Variants in MAGI3 observed in about 807,000 individuals in gnomAD.
MAGI3 encodes membrane-associated guanylate kinase, WW and PDZ domain-containing protein 3.
Under a neutral mutation model 121.8 loss-of-function variants are expected in MAGI3, and 43 were observed. The observed-to-expected ratio is 0.35, with a 90% CI of 0.28 to 0.46. MAGI3 has a LOEUF of 0.46. MAGI3 is among the 20% of genes least tolerant of loss of function. The pLI is 1.00. For synonymous variants in MAGI3, 553 were observed against 639.3 expected (o/e 0.86, Z 2.04); for missense variants, 1,547 against 1,797.3 (o/e 0.86, Z 2.52).
intron 1 of MAGI3, among the ~76,000 whole-genome samples, chr1:113,533,314 T>C (rs188150245): frequency 6.6e-6 from 1 of 152,332 alleles, no homozygotes; most frequent in East Asian, 1.9e-4. Context: ...GGCCATTACA[T>C]TAAATCAATT....
At chr1:113,441,905 T>G (rs893894778) in intron 1 of MAGI3, among the ~76,000 whole-genome samples, 6 of 152,358 alleles carry the variant, frequency 3.9e-5, no homozygotes, top group Admixed American at 6.5e-5. Flanking sequence ...AGGTCTTTAC[T>G]CAGAGAGCTT....
chr1:113,422,628 G>T lies in MAGI3; in HGVS notation c.316+31279G>T, dbSNP rs1652783209. 6.6e-6 allele frequency among the ~76,000 whole-genome samples: 1 copy of T among 152,224 alleles called. No homozygotes were observed. The highest frequency in any genetic ancestry group is 1.5e-5 in the Non-Finnish European group (1 of 68,036). On this transcript the variant is annotated intron_variant, in intron 1 of 20. Coordinates refer to ENST00000307546, the MANE Select transcript of MAGI3 (RefSeq NM_001142782.2). The surrounding 1 kb of genome is among the most constrained non-coding windows in gnomAD (Gnocchi z 4.3). ...GCACAGGCGCCTGCTCCGTGCAAGG[G>T]TGCATCTATACCAGACATACCGCAA...
chr1:113,535,813 C>T (rs576268152), intron 1 of MAGI3, among the ~76,000 whole-genome samples: 2 of 152,232 alleles, frequency 1.3e-5, no homozygotes, highest in South Asian at 2.1e-4. Flanking sequence ...CTGAATTCCA[C>T]ATAGTTATAT....
At chr1:113,530,207 C>T (rs1274563848) in intron 1 of MAGI3, among the ~76,000 whole-genome samples, 1 of 151,268 alleles carries the variant, frequency 6.6e-6, no homozygotes, top group African/African-American at 2.4e-5. Context: ...ATGTACTGTT[C>T]TTTAAATAAC....
chr1:113,593,415 C>T (rs1217232), intron 5 of MAGI3, among the ~76,000 whole-genome samples: 111,877 of 151,914 alleles, frequency 0.74, 41,723 homozygotes, highest in African/African-American at 0.78. Context: ...TGGTGGCACA[C>T]GCCTGTAGTC....
At chr1:113,546,396 G>T (rs148307492) in intron 1 of MAGI3, among the ~76,000 whole-genome samples, 2 of 152,080 alleles carry the variant, frequency 1.3e-5, no homozygotes, top group East Asian at 1.9e-4. Flanking sequence ...AAGTGCAGCC[G>T]CACGATCTTG....
intron 6 of MAGI3, among the ~76,000 whole-genome samples, chr1:113,611,936 C>CTTATATATTTATTTAT (rs1650168729): frequency 7.2e-6 from 1 of 138,768 alleles, no homozygotes; most frequent in Non-Finnish European, 1.6e-5. Flanking sequence ...CTAATCCCAA[C>CTTATATATTTATTTAT]TTATTTATTT....
Position 113,658,590 on chromosome 1 carries a change from T to A in MAGI3, c.2630-490T>A, listed in dbSNP as rs1408096647. Among the ~76,000 whole-genome samples, 3 of 152,264 alleles carry A rather than the reference T, an allele frequency of 2.0e-5. No individual in the cohort carries two copies. The highest frequency in any genetic ancestry group is 7.2e-5 in the African/African-American group (3 of 41,472). ...TTTCTGACCAATAACTACCGAGTGC[T>A]AAACCTGAGTTTGACCTGCATTTAT... On this transcript the variant is annotated intron_variant, in intron 15 of 20. Coordinates refer to ENST00000307546, the MANE Select transcript of MAGI3 (RefSeq NM_001142782.2). The surrounding 1 kb of genome is among the most constrained non-coding windows in gnomAD (Gnocchi z 4.0).
chr1:113,504,496 A>T (rs939039348), intron 1 of MAGI3, among the ~76,000 whole-genome samples: 3 of 152,136 alleles, frequency 2.0e-5, no homozygotes, highest in African/African-American at 4.8e-5. Flanking sequence ...TGCAAATTAA[A>T]ATAACACCAA....
intron 1 of MAGI3, among the ~76,000 whole-genome samples, chr1:113,538,701 TGTG>T (rs1180165694): frequency 6.6e-6 from 1 of 152,226 alleles, no homozygotes; most frequent in East Asian, 1.9e-4. Flanking sequence ...AAGGGGAGGT[TGTG>T]GTGATTTTGT....
chr1:113,395,598 A>G (rs1326220244), intron 1 of MAGI3, among the ~76,000 whole-genome samples: 1 of 151,878 alleles, frequency 6.6e-6, no homozygotes, highest in East Asian at 1.9e-4. Flanking sequence ...TAAGAGTACT[A>G]TATCCAAATA....
intron 9 of MAGI3, among the ~76,000 whole-genome samples, chr1:113,639,593 G>T (rs1652317473): frequency 6.6e-6 from 1 of 151,740 alleles, no homozygotes; most frequent in Non-Finnish European, 1.5e-5. Flanking sequence ...TTGAGATGGA[G>T]TTTTACTCTT....
chr1:113,638,163 C>T (rs1652171496), intron 9 of MAGI3, among the ~76,000 whole-genome samples: 1 of 152,134 alleles, frequency 6.6e-6, no homozygotes, highest in African/African-American at 2.4e-5. Flanking sequence ...AACTTCTTTG[C>T]CTTTGATTTG....
intron 1 of MAGI3, among the ~76,000 whole-genome samples, chr1:113,516,171 GAC>G (rs2101619913): frequency 6.6e-6 from 1 of 152,036 alleles, no homozygotes; most frequent in Admixed American, 6.6e-5. Context: ...TAGATTAATA[GAC>G]ACACATATTT....
chr1:113,524,995 G>T (rs758176730), intron 1 of MAGI3, among the ~76,000 whole-genome samples: 1 of 152,134 alleles, frequency 6.6e-6, no homozygotes, highest in Non-Finnish European at 1.5e-5. Context: ...TATGAGATCC[G>T]ATGGTTTTAT....
chr1:113,559,276 A>C (rs1448679738), intron 2 of MAGI3, among the ~76,000 whole-genome samples: 5 of 152,240 alleles, frequency 3.3e-5, no homozygotes, highest in African/African-American at 9.6e-5. Flanking sequence ...ATAAAGAGTC[A>C]AGATCCATCA....
Position 113,402,187 on chromosome 1 carries a change from C to A in MAGI3, c.316+10838C>A, listed in dbSNP as rs74516559. ...AGGACCTGTTAAACATATTCTGTTT[C>A]TTTATGAAATCTGCATTCTCTTGGA... On this transcript the variant is annotated intron_variant, in intron 1 of 20. Coordinates refer to ENST00000307546, the MANE Select transcript of MAGI3 (RefSeq NM_001142782.2). 5.8e-4 allele frequency among the ~76,000 whole-genome samples: 89 copies of A among 152,170 alleles called. No homozygotes were observed. In the East Asian group the frequency reaches 0.011, roughly 20 times the overall value.
intron 14 of MAGI3, among the ~76,000 whole-genome samples, chr1:113,651,913 G>A (rs552853442): frequency 6.0e-4 from 92 of 152,228 alleles, no homozygotes; most frequent in Non-Finnish European, 1.2e-3. Context: ...CTAAAGGAAA[G>A]TAGGATGTTT....
At chr1:113,663,576 T>A (rs976756625) in intron 16 of MAGI3, among the ~76,000 whole-genome samples, 2 of 152,246 alleles carry the variant, frequency 1.3e-5, no homozygotes, top group African/African-American at 4.8e-5. Flanking sequence ...TATTTCATTA[T>A]GCATACATAT....
Sources: allele counts gnomAD v4.1 joint callset (sites outside exome capture counted in the v4.1 genomes callset), GRCh38; gene constraint gnomAD v4.1.1; non-coding constraint Gnocchi (gnomAD v3.1); transcripts MANE v1.5; gene names NCBI Gene and HGNC (gene_info 2026-07-23, HGNC 2026-07-21).